OCA2: variants seen among roughly 807,000 people sequenced by gnomAD.
OCA2 encodes P protein.
OCA2 carries 77 observed loss-of-function variants against 100.2 expected under a neutral mutation model. The ratio of observed to expected loss-of-function variants is 0.77; its 90% CI spans 0.64 to 0.93. OCA2 has a LOEUF of 0.93. Among genes scored for constraint, OCA2 ranks in the 40% least tolerant of loss-of-function variants. The pLI is 0.00. For missense variants in OCA2, 1,062 were observed against 1,089.1 expected, an observed-to-expected ratio of 0.98 and a Z score of 0.35; for synonymous variants, 432 against 439.2, an observed-to-expected ratio of 0.98 and a Z score of 0.21.
chr15:27,838,352 A>T (rs1444129835), intron 23 of OCA2, among the ~76,000 whole-genome samples: 2 of 152,238 alleles, frequency 1.3e-5, no homozygotes, highest in African/African-American at 2.4e-5. Context: ...AAATGTAATC[A>T]GGGGCATTAA....
intron 19 of OCA2, among the ~76,000 whole-genome samples, chr15:27,910,098 GA>G (rs112849772): frequency 0.056 from 8,263 of 148,124 alleles, 769 homozygotes; most frequent in African/African-American, 0.19. Flanking sequence ...CTTCAAACAT[GA>G]AAAAAAAAAG....
At chr15:27,864,467 G>A (rs1386485387) in intron 21 of OCA2, among the ~76,000 whole-genome samples, 2 of 152,210 alleles carry the variant, frequency 1.3e-5, no homozygotes, top group African/African-American at 4.8e-5. Flanking sequence ...CAAATGAAAT[G>A]TTTTTGACTC....
chr15:27,900,020 T>C (rs1339550103), intron 19 of OCA2, among the ~76,000 whole-genome samples: 2 of 152,142 alleles, frequency 1.3e-5, no homozygotes, highest in Non-Finnish European at 2.9e-5. Flanking sequence ...ATTACCTTTA[T>C]TACCTGAGGT....
intron 14 of OCA2, among the ~76,000 whole-genome samples, chr15:27,975,348 T>A (rs1460557383): frequency 6.6e-6 from 1 of 152,224 alleles, no homozygotes; most frequent in Non-Finnish European, 1.5e-5. Flanking sequence ...AGTAGCCACA[T>A]CTTCACTTGA....
At chr15:28,029,503 A>T (rs1214714929) in intron 3 of OCA2, among the ~76,000 whole-genome samples, 2 of 151,770 alleles carry the variant, frequency 1.3e-5, no homozygotes, top group East Asian at 1.9e-4. Flanking sequence ...TTCTGTGGTG[A>T]TAGAAATGTT....
chr15:28,018,609 C>T, intron 6 of OCA2, 52 bp from the exon 7 acceptor site: 3 of 1,543,634 alleles, frequency 1.9e-6, no homozygotes, highest in South Asian at 1.1e-5. Context: ...ACCCCATGTC[C>T]CCGCCGCCCG....
intron 18 of OCA2, among the ~76,000 whole-genome samples, chr15:27,948,045 A>G (rs1421677124): frequency 6.6e-6 from 1 of 152,222 alleles, no homozygotes; most frequent in Non-Finnish European, 1.5e-5. Context: ...CCTTGCTTCT[A>G]CTAATGAACC....
At chr15:27,872,529 G>A (rs1034938647) in intron 19 of OCA2, among the ~76,000 whole-genome samples, 20 of 152,130 alleles carry the variant, frequency 1.3e-4, no homozygotes, top group African/African-American at 4.8e-4. Flanking sequence ...AGAGGCTCAC[G>A]ACCGAGCCAC....
chr15:27,738,987 A>G, the OCA2 span, among the ~76,000 whole-genome samples: 17 of 45,164 alleles, frequency 3.8e-4, no homozygotes, highest in South Asian at 9.7e-4. Flanking sequence ...CCTCTGCTCT[A>G]CAGGTGGGAC....
At chr15:27,987,922 G>A (rs1278569512) in intron 11 of OCA2, among the ~76,000 whole-genome samples, 1 of 152,060 alleles carries the variant, frequency 6.6e-6, no homozygotes, top group East Asian at 1.9e-4. Flanking sequence ...AAACAAAAAT[G>A]TCCCCAGTCA....
intron 9 of OCA2, among the ~76,000 whole-genome samples, chr15:28,005,969 C>G (rs1208869363): frequency 6.6e-6 from 1 of 152,172 alleles, no homozygotes; most frequent in African/African-American, 2.4e-5. Context: ...AAGCGCCACA[C>G]CCTGGTGAGA....
chr15:28,018,319 C>T, intron 7 of OCA2, 78 bp downstream of exon 7: 3 of 1,427,304 alleles, frequency 2.1e-6, no homozygotes, highest in Non-Finnish European at 3.0e-6. Flanking sequence ...CCCATCAAAT[C>T]CATTCAAGAG....
intron 2 of OCA2, among the ~76,000 whole-genome samples, chr15:28,077,251 G>T (rs879393495): frequency 1.3e-5 from 2 of 152,064 alleles, no homozygotes; most frequent in African/African-American, 2.4e-5. Flanking sequence ...TAGAGACGGG[G>T]TTTCTCCATG....
intron 23 of OCA2, among the ~76,000 whole-genome samples, chr15:27,815,766 G>C (rs2034273285): frequency 6.6e-6 from 1 of 152,194 alleles, no homozygotes; most frequent in African/African-American, 2.4e-5. Context: ...TTAGGTCTAA[G>C]ACAAAACAAA....
the OCA2 span, among the ~76,000 whole-genome samples, chr15:27,747,961 G>C: frequency 6.6e-6 from 1 of 152,138 alleles, no homozygotes; most frequent in African/African-American, 2.4e-5. Flanking sequence ...TCCAGGGTAG[G>C]AGGAAAAATA....
At chr15:27,723,911 G>C in the OCA2 span, among the ~76,000 whole-genome samples, 1 of 152,102 alleles carries the variant, frequency 6.6e-6, no homozygotes, top group African/African-American at 2.4e-5. Flanking sequence ...CCTTCTGCGT[G>C]CACAACCTCC....
intron 18 of OCA2, chr15:27,950,407 A>G (rs1042244006): frequency 1.6e-5 from 6 of 368,308 alleles, no homozygotes; most frequent in African/African-American, 1.1e-4. Flanking sequence ...AAATAATTAC[A>G]CTGCAGCAAT....
intron 21 of OCA2, among the ~76,000 whole-genome samples, chr15:27,853,200 T>G (rs1343796598): frequency 2.2e-5 from 2 of 89,210 alleles, no homozygotes; most frequent in African/African-American, 9.0e-5. Flanking sequence ...TAGACTGGAT[T>G]AAGAAAATGT....
At chr15:27,735,736 AC>A in the OCA2 span, among the ~76,000 whole-genome samples, 24 of 150,250 alleles carry the variant, frequency 1.6e-4, no homozygotes, top group South Asian at 4.9e-3. Flanking sequence ...AAAAAACAAA[AC>A]AAAAAAACAA....
Sources: allele counts gnomAD v4.1 joint callset (sites outside exome capture counted in the v4.1 genomes callset), GRCh38; gene constraint gnomAD v4.1.1; transcripts MANE v1.5; gene names NCBI Gene and HGNC (gene_info 2026-07-23, HGNC 2026-07-21).